Variants in HHIPL1 observed in about 807,000 individuals in gnomAD.
HHIPL1 encodes the protein HHIP-like protein 1.
Under a neutral mutation model 61.8 loss-of-function variants are expected in HHIPL1, and 43 were observed. The observed-to-expected ratio is 0.70, with a 90% CI of 0.55 to 0.90. The LOEUF (loss-of-function observed/expected upper bound fraction) is 0.90. Ranked by LOEUF, HHIPL1 falls within the 40% of genes least tolerant of loss-of-function variation. The pLI, the probability that HHIPL1 is intolerant of heterozygous loss-of-function variation, is 0.00. For synonymous variants in HHIPL1, 482 were observed against 515.8 expected (o/e 0.93, Z 0.89); for missense variants, 1,056 against 1,157.7 (o/e 0.91, Z 1.28).
At chr14:99,669,073 A>C (rs2056296316) in intron 7 of HHIPL1, 1 of 1,443,418 alleles carries the variant, frequency 6.9e-7, no homozygotes, top group African/African-American at 1.4e-5. Context: ...GTTGCCCTCC[A>C]GGCCTCTGTC....
At chr14:99,637,225 A>G in the HHIPL1 span, among the ~76,000 whole-genome samples, 71 of 136,934 alleles carry the variant, frequency 5.2e-4, no homozygotes, top group Middle Eastern at 7.7e-3. Flanking sequence ...AGAAAGAAAG[A>G]AAGAAAGAAA....
At chr14:99,615,692 A>G in the HHIPL1 span, among the ~76,000 whole-genome samples, 1 of 151,926 alleles carries the variant, frequency 6.6e-6, no homozygotes, top group East Asian at 1.9e-4. Flanking sequence ...GGAAAGAAAG[A>G]AAGAGAAAGA....
intron 2 of HHIPL1, among the ~76,000 whole-genome samples, chr14:99,654,252 G>GT (rs2055991040): frequency 6.6e-6 from 1 of 152,066 alleles, no homozygotes; most frequent in Non-Finnish European, 1.5e-5. Flanking sequence ...CGACTCTGAG[G>GT]TTAAAAACTG....
At chr14:99,639,057 AAAT>A in the HHIPL1 span, among the ~76,000 whole-genome samples, 4 of 152,248 alleles carry the variant, frequency 2.6e-5, no homozygotes, top group African/African-American at 9.6e-5. Flanking sequence ...TTGTTCTTAC[AAAT>A]AATAAGATGC....
chr14:99,633,152 A>G, the HHIPL1 span, among the ~76,000 whole-genome samples: 1 of 152,176 alleles, frequency 6.6e-6, no homozygotes, highest in Non-Finnish European at 1.5e-5. Context: ...CTACTCCTCA[A>G]TCAGCCCCAA....
the HHIPL1 span, chr14:99,625,734 AACCAGAGGCACTC>A: frequency 1.3e-5 from 2 of 152,256 alleles, no homozygotes; most frequent in South Asian, 4.1e-4. Context: ...TTAAACATTC[AACCAGAGGCACTC>A]ACTGCTTTAA....
the HHIPL1 span, among the ~76,000 whole-genome samples, chr14:99,623,317 C>T: frequency 1.3e-5 from 2 of 152,166 alleles, no homozygotes; most frequent in Non-Finnish European, 2.9e-5. Context: ...TATGAGTCCA[C>T]GGAAATCACT....
chr14:99,637,201 GAAGAAAGAAAGA>G, the HHIPL1 span, among the ~76,000 whole-genome samples: 6,936 of 86,850 alleles, frequency 0.08, 307 homozygotes, highest in Non-Finnish European at 0.1. Context: ...AGAAAGAAAG[GAAGAAAGAAAGA>G]AAGAAAGAAA....
At chr14:99,605,642 G>C in the HHIPL1 span, among the ~76,000 whole-genome samples, 8 of 152,390 alleles carry the variant, frequency 5.2e-5, no homozygotes, top group South Asian at 1.0e-3. Flanking sequence ...GAAGATAGAC[G>C]AGCTAGATCA....
intron 8 of HHIPL1, among the ~76,000 whole-genome samples, chr14:99,673,875 C>CG (rs1336197430): frequency 7.5e-5 from 4 of 53,088 alleles, no homozygotes; most frequent in African/African-American, 2.5e-4. Context: ...GCAGGTTGCA[C>CG]GGGGGGGTGC....
At chr14:99,630,831 C>A in the HHIPL1 span, among the ~76,000 whole-genome samples, 1 of 152,086 alleles carries the variant, frequency 6.6e-6, no homozygotes, top group African/African-American at 2.4e-5. Context: ...ATATTCTGTC[C>A]CCTGTCTCTC....
At chr14:99,610,933 G>A in the HHIPL1 span, among the ~76,000 whole-genome samples, 1 of 152,136 alleles carries the variant, frequency 6.6e-6, no homozygotes, top group African/African-American at 2.4e-5. Context: ...GTTGTGAGGG[G>A]CTACTGTGTG....
the HHIPL1 span, among the ~76,000 whole-genome samples, chr14:99,616,525 A>G: frequency 2.0e-5 from 3 of 152,234 alleles, no homozygotes; most frequent in Admixed American, 6.5e-5. Flanking sequence ...GAGTGTCTCA[A>G]GCTGGAGAGT....
chr14:99,660,166 C>T lies in HHIPL1; in HGVS notation c.1376-114C>T, dbSNP rs940282779. ...GTGGGCACGCCAGCCCTGCTGTGGG[C>T]ACGCCCCTCCCTCCGTGGCCGCCCC... On this transcript the variant is annotated intron_variant, in intron 4 of 8. Coordinates refer to ENST00000330710, the MANE Select transcript of HHIPL1 (RefSeq NM_001127258.3). This position sits in a 1 kb window ranked among gnomAD's most constrained non-coding sequence, Gnocchi z 4.9. The T allele has an allele frequency of 2.9e-5, 38 of 1,294,148 alleles. No individual in the cohort carries two copies. The highest frequency in any genetic ancestry group is 8.0e-5 in the Admixed American group (4 of 49,824). The allele number at this position is 1,294,148 out of a possible 1,614,324, so 80.2% of individuals were successfully genotyped here. A position where few individuals can be genotyped will look rare whatever the true frequency, so the allele number is the denominator to read the frequency against.
chr14:99,668,031 C>T lies in HHIPL1; in HGVS notation c.1649-191C>T, dbSNP rs1792629665. 6.6e-6 allele frequency among the ~76,000 whole-genome samples: 1 copy of T among 152,178 alleles called. No homozygotes were observed. The highest frequency in any genetic ancestry group is 1.5e-5 in the Non-Finnish European group (1 of 68,028). ...GGCTCCAGAGGCCCTTGGGTACAAC[C>T]CAACTCCTCACCCAGCCTCACTTCC... is the stretch of plus-strand genomic sequence containing the variant. On this transcript the variant is annotated intron_variant, in intron 6 of 8. Coordinates refer to ENST00000330710, the MANE Select transcript of HHIPL1 (RefSeq NM_001127258.3). This position sits in a 1 kb window ranked among gnomAD's most constrained non-coding sequence, Gnocchi z 4.7.
In HHIPL1 at chr14:99,660,170, C is replaced by CCAG; in HGVS notation, c.1376-109_1376-108insAGC. ...GCACGCCAGCCCTGCTGTGGGCACG[C>CCAG]CCCTCCCTCCGTGGCCGCCCCACCC... is the stretch of plus-strand genomic sequence containing the variant. On this transcript the variant is annotated intron_variant, in intron 4 of 8. Coordinates refer to ENST00000330710, the MANE Select transcript of HHIPL1 (RefSeq NM_001127258.3). This position sits in a 1 kb window ranked among gnomAD's most constrained non-coding sequence, Gnocchi z 4.9. The CCAG allele has an allele frequency of 1.5e-6, 2 of 1,333,946 alleles. No individual in the cohort carries two copies. Among genetic ancestry groups the CCAG allele is most frequent in the African/African-American group, 2.9e-5 (2 of 69,376 alleles). The allele number at this position is 1,333,946 out of a possible 1,614,324, so 82.6% of individuals were successfully genotyped here. A position where few individuals can be genotyped will look rare whatever the true frequency, so the allele number is the denominator to read the frequency against.
At chr14:99,650,541 G>C (rs556773229) in intron 1 of HHIPL1, among the ~76,000 whole-genome samples, 4 of 152,226 alleles carry the variant, frequency 2.6e-5, no homozygotes, top group Admixed American at 2.6e-4. Context: ...CTTAACTGGC[G>C]TTGGGGATGG....
the HHIPL1 span, among the ~76,000 whole-genome samples, chr14:99,605,391 G>A: frequency 3.5e-3 from 522 of 151,264 alleles, 2 homozygotes; most frequent in African/African-American, 0.012. Context: ...GCGGGGCGGG[G>A]GGGGGTCCCT....
At chr14:99,621,804 C>A in the HHIPL1 span, among the ~76,000 whole-genome samples, 3 of 139,176 alleles carry the variant, frequency 2.2e-5, no homozygotes, top group Admixed American at 2.3e-4. Flanking sequence ...CAACCTCTAC[C>A]TCCCAGGTTC....
Sources: allele counts gnomAD v4.1 joint callset (sites outside exome capture counted in the v4.1 genomes callset), GRCh38; gene constraint gnomAD v4.1.1; non-coding constraint Gnocchi (gnomAD v3.1); transcripts MANE v1.5; gene names NCBI Gene and HGNC (gene_info 2026-07-23, HGNC 2026-07-21).